Variants in TIAM1 observed in about 807,000 individuals in gnomAD.
TIAM1 encodes the protein rho guanine nucleotide exchange factor TIAM1.
A neutral mutation model predicts 163.5 loss-of-function variants in TIAM1; 65 were observed. The observed-to-expected ratio is 0.40, with a 90% CI of 0.33 to 0.49. The LOEUF (loss-of-function observed/expected upper bound fraction) is 0.49. TIAM1 is among the 20% of genes least tolerant of loss of function. The pLI is 0.77. For missense variants in TIAM1, 1,789 were observed against 2,044.7 expected, an observed-to-expected ratio of 0.87 and a Z score of 2.41; for synonymous variants, 833 against 810.1, an observed-to-expected ratio of 1.03 and a Z score of -0.48.
chr21:31,478,268 G>GTT (rs764131551), intron 1 of TIAM1, among the ~76,000 whole-genome samples: 2 of 152,200 alleles, frequency 1.3e-5, no homozygotes, highest in Non-Finnish European at 2.9e-5. Context: ...ACAATAGAAA[G>GTT]TTTGTCATCC....
At chr21:31,471,371 C>G (rs2045735655) in intron 1 of TIAM1, among the ~76,000 whole-genome samples, 1 of 152,208 alleles carries the variant, frequency 6.6e-6, no homozygotes, top group African/African-American at 2.4e-5. Flanking sequence ...GAATGAACCT[C>G]ATAGGGCTGT....
At chr21:31,186,303 G>C (rs1181522565) in intron 14 of TIAM1, among the ~76,000 whole-genome samples, 1 of 152,198 alleles carries the variant, frequency 6.6e-6, no homozygotes, top group African/African-American at 2.4e-5. Flanking sequence ...AGAACAACTG[G>C]TTTGAAAGAG....
chr21:31,502,304 C>T (rs148252816), intron 1 of TIAM1, among the ~76,000 whole-genome samples: 2,465 of 152,292 alleles, frequency 0.016, 37 homozygotes, highest in South Asian at 0.042. Context: ...CAGGGTCTCG[C>T]TCTGTCGCCC....
At chr21:31,238,525 G>A (rs1408013644) in intron 6 of TIAM1, among the ~76,000 whole-genome samples, 1 of 152,142 alleles carries the variant, frequency 6.6e-6, no homozygotes, top group Admixed American at 6.5e-5. Flanking sequence ...CCTTTCAAAA[G>A]GAATTCACAT....
At chr21:31,537,985 A>T (rs1441595660) in intron 1 of TIAM1, among the ~76,000 whole-genome samples, 1 of 152,224 alleles carries the variant, frequency 6.6e-6, no homozygotes, top group Non-Finnish European at 1.5e-5. Flanking sequence ...TGAACGAAAG[A>T]CACCAAATAC....
intron 1 of TIAM1, among the ~76,000 whole-genome samples, chr21:31,498,371 A>T (rs2046735631): frequency 6.6e-6 from 1 of 152,236 alleles, no homozygotes; most frequent in African/African-American, 2.4e-5. Flanking sequence ...TACTGTCTGC[A>T]GAAGCCAGAC....
intron 12 of TIAM1, among the ~76,000 whole-genome samples, chr21:31,196,540 C>T (rs886092017): frequency 4.1e-5 from 6 of 148,014 alleles, no homozygotes; most frequent in African/African-American, 1.3e-4. Flanking sequence ...AGGCTGGTCT[C>T]AAACTCTGAC....
At chr21:31,315,679 C>CAAAAAAAATAAAA (rs2075095143) in intron 2 of TIAM1, among the ~76,000 whole-genome samples, 1 of 80,250 alleles carries the variant, frequency 1.2e-5, no homozygotes, top group South Asian at 4.1e-4. Flanking sequence ...AACTCCATCT[C>CAAAAAAAATAAAA]AAAAAAAAAA....
At chr21:31,215,433 C>A (rs996421036) in intron 9 of TIAM1, among the ~76,000 whole-genome samples, 2 of 151,842 alleles carry the variant, frequency 1.3e-5, no homozygotes, top group Non-Finnish European at 2.9e-5. Context: ...TGGTGGCAGG[C>A]GCCTGTAATC....
chr21:31,260,938 G>A (rs1404826781), intron 4 of TIAM1, among the ~76,000 whole-genome samples: 1 of 152,168 alleles, frequency 6.6e-6, no homozygotes, highest in Non-Finnish European at 1.5e-5. Context: ...TCAAGAGTCT[G>A]TGACCAAAGG....
At chr21:31,538,160 C>T (rs1488367321) in intron 1 of TIAM1, among the ~76,000 whole-genome samples, 1 of 152,188 alleles carries the variant, frequency 6.6e-6, no homozygotes, top group Non-Finnish European at 1.5e-5. Flanking sequence ...GGTTTTATCC[C>T]ATTTGTAAGA....
At chr21:31,208,818 C>T (rs2086578792) in intron 11 of TIAM1, among the ~76,000 whole-genome samples, 1 of 152,142 alleles carries the variant, frequency 6.6e-6, no homozygotes, top group Non-Finnish European at 1.5e-5. Context: ...AGTAGAACTA[C>T]AAAATTGAGG....
intron 10 of TIAM1, among the ~76,000 whole-genome samples, chr21:31,210,808 A>AAG (rs997212097): frequency 6.7e-6 from 1 of 148,274 alleles, no homozygotes; most frequent in African/African-American, 2.5e-5. Context: ...GAAAGAAAGA[A>AAG]AGAAAGGTCA....
chr21:31,242,860 C>CAAAAAAAAAAAAAAAAAAAA (rs11417948), intron 6 of TIAM1, among the ~76,000 whole-genome samples: 1 of 95,090 alleles, frequency 1.1e-5, no homozygotes, highest in Admixed American at 1.2e-4. Flanking sequence ...GACTCTGTCT[C>CAAAAAAAAAAAAAAAAAAAA]AAAAAAAAAA....
At chr21:31,373,445 G>A (rs571419726) in intron 2 of TIAM1, among the ~76,000 whole-genome samples, 8 of 152,152 alleles carry the variant, frequency 5.3e-5, no homozygotes, top group African/African-American at 7.2e-5. Flanking sequence ...CACTTCTTTC[G>A]TGGTGGTGGC....
chr21:31,449,249 G>A (rs1295406216), intron 2 of TIAM1, among the ~76,000 whole-genome samples: 1 of 152,134 alleles, frequency 6.6e-6, no homozygotes, highest in Non-Finnish European at 1.5e-5. Context: ...ACAGGTGTGA[G>A]CCACCGTGGC....
intron 2 of TIAM1, among the ~76,000 whole-genome samples, chr21:31,444,815 A>G (rs1460685104): frequency 8.5e-5 from 13 of 152,288 alleles, no homozygotes; most frequent in Admixed American, 2.0e-4. Context: ...CCTGACCAAC[A>G]TGGTGAAACC....
chr21:31,468,643 T>G (rs1186858785), intron 1 of TIAM1, among the ~76,000 whole-genome samples: 2 of 150,080 alleles, frequency 1.3e-5, no homozygotes, highest in Admixed American at 1.3e-4. Context: ...AGGCGTGGTG[T>G]CGGGTGCCTG....
Position 31,182,468 on chromosome 21 carries a change from G to A in TIAM1, c.2840C>T (p.Pro947Leu), listed in dbSNP as rs1322446185. 6.2e-7 allele frequency: 1 copy of A among 1,609,434 alleles called. No individual in the cohort carries two copies. The highest frequency in any genetic ancestry group is 1.7e-5 in the Admixed American group (1 of 59,252). The change falls in exon 15 of 28, where the codon CCT becomes CTT. Residue 947 changes from proline (P) to leucine (L), a missense_variant. Pro to Leu is a moderately conservative substitution (Grantham distance 98). This residue lies in a region of TIAM1 where 303 missense variants were observed against 321.3 expected (regional missense o/e 0.94). Coordinates refer to ENST00000541036, the MANE Select transcript of TIAM1 (RefSeq NM_001353694.2). Reference sequence around the variant, plus strand: ...GAGGGGGCTCTCGCCAAGGTCGGCAGGGCCGTCCACTCGGTGGGGCGGGCT... The same window carrying A: ...GAGGGGGCTCTCGCCAAGGTCGGCAAGGCCGTCCACTCGGTGGGGCGGGCT... Reference protein sequence around the residue: ...LESPPHRVDGPADLGESPLAF... With the variant: ...LESPPHRVDGLADLGESPLAF...
Sources: gnomAD v4.1 joint callset for allele counts (sites outside exome capture counted in the v4.1 genomes callset) on GRCh38, gnomAD v4.1.1 for gene constraint, gnomAD v4.1.1 regional missense constraint, MANE v1.5 for transcripts, NCBI Gene and HGNC (gene_info 2026-07-23, HGNC 2026-07-21) for gene names.